MYRFL: variants seen among roughly 807,000 people sequenced by gnomAD.
MYRFL encodes the protein myelin regulatory factor-like protein.
A neutral mutation model predicts 109.4 loss-of-function variants in MYRFL; 88 were observed. The ratio of observed to expected loss-of-function variants is 0.80; its 90% confidence interval spans 0.68 to 0.96. The LOEUF is 0.96. Ranked by LOEUF, MYRFL falls within the 40% of genes least tolerant of loss-of-function variation. The probability of loss-of-function intolerance (pLI) is 0.00; values close to 1 mark genes in which losing one functional copy is unlikely to be tolerated. For missense variants in MYRFL, 957 were observed against 954.9 expected, an observed-to-expected ratio of 1.00 and a Z score of -0.03; for synonymous variants, 324 against 320.9, an observed-to-expected ratio of 1.01 and a Z score of -0.10.
At chr12:69,832,261 T>G (rs1212942429) in intron 1 of MYRFL, among the ~76,000 whole-genome samples, 2 of 152,142 alleles carry the variant, frequency 1.3e-5, no homozygotes, top group African/African-American at 4.8e-5. Flanking sequence ...GACTCTGTTT[T>G]AGTTGGCTAT....
intron 2 of MYRFL, among the ~76,000 whole-genome samples, chr12:69,865,825 T>C (rs1453254468): frequency 6.6e-6 from 1 of 152,146 alleles, no homozygotes; most frequent in Non-Finnish European, 1.5e-5. Flanking sequence ...CTCTCTACCT[T>C]TGAGGTGGGT....
intron 13 of MYRFL, among the ~76,000 whole-genome samples, chr12:69,924,151 T>C (rs1954995964): frequency 7.3e-6 from 1 of 136,816 alleles, no homozygotes; most frequent in East Asian, 2.1e-4. Flanking sequence ...ATCATGCCAC[T>C]GCACTCCAGC....
chr12:69,923,801 A>G (rs915969695), intron 13 of MYRFL, among the ~76,000 whole-genome samples: 2 of 152,004 alleles, frequency 1.3e-5, no homozygotes, highest in African/African-American at 4.8e-5. Context: ...TAAACCAGAA[A>G]CTCAATACCC....
intron 1 of MYRFL, among the ~76,000 whole-genome samples, chr12:69,842,756 C>T (rs1268488879): frequency 6.6e-6 from 1 of 152,148 alleles, no homozygotes; most frequent in Non-Finnish European, 1.5e-5. Context: ...TAGTGAATCC[C>T]TACTTAACCT....
intron 15 of MYRFL, among the ~76,000 whole-genome samples, chr12:69,930,678 G>T (rs974330897): frequency 2.0e-5 from 3 of 151,986 alleles, no homozygotes; most frequent in Non-Finnish European, 4.4e-5. Context: ...AATTAACTGG[G>T]TTTGGTGGCT....
At chr12:69,892,805 A>G (rs552531169) in intron 7 of MYRFL, among the ~76,000 whole-genome samples, 17 of 152,232 alleles carry the variant, frequency 1.1e-4, no homozygotes, top group Non-Finnish European at 2.5e-4. Flanking sequence ...TATGAAAAAG[A>G]GATGAAATTC....
At chr12:69,851,905 A>G (rs1883898640) in intron 1 of MYRFL, among the ~76,000 whole-genome samples, 1 of 152,080 alleles carries the variant, frequency 6.6e-6, no homozygotes, top group South Asian at 2.1e-4. Flanking sequence ...CAAACAATCC[A>G]CCTGCCTTGG....
At chr12:69,849,029 A>G (rs1418529044) in intron 1 of MYRFL, among the ~76,000 whole-genome samples, 2 of 152,058 alleles carry the variant, frequency 1.3e-5, no homozygotes, top group Non-Finnish European at 2.9e-5. Context: ...ATGGCACCAC[A>G]CCCAGCTAAT....
At chr12:69,927,300 G>T (rs1293370353) in intron 14 of MYRFL, among the ~76,000 whole-genome samples, 2 of 152,078 alleles carry the variant, frequency 1.3e-5, no homozygotes, top group Admixed American at 1.3e-4. Flanking sequence ...AGTAGCAGTT[G>T]TTATAGGAAG....
chr12:69,889,325 T>A (rs543186988), intron 6 of MYRFL, among the ~76,000 whole-genome samples: 1 of 152,176 alleles, frequency 6.6e-6, no homozygotes, highest in Non-Finnish European at 1.5e-5. Context: ...TTATGTTCTC[T>A]ATTTGATAAT....
At chr12:69,933,885 T>A (rs789564) in intron 16 of MYRFL, among the ~76,000 whole-genome samples, 39,420 of 152,050 alleles carry the variant, frequency 0.26, 5,428 homozygotes, top group Non-Finnish European at 0.32. Flanking sequence ...TCGTCTTATT[T>A]TTTCCAATAC....
intron 2 of MYRFL, among the ~76,000 whole-genome samples, chr12:69,871,445 G>C (rs1885349737): frequency 6.6e-6 from 1 of 151,962 alleles, no homozygotes; most frequent in Non-Finnish European, 1.5e-5. Flanking sequence ...TGTTAGCCGG[G>C]ATGGTCTTGA....
chr12:69,884,244 G>A (rs973400801), intron 5 of MYRFL, among the ~76,000 whole-genome samples: 1 of 152,244 alleles, frequency 6.6e-6, no homozygotes, highest in Non-Finnish European at 1.5e-5. Flanking sequence ...CTGTGGTGCA[G>A]AAAGCACTCA....
At chr12:69,906,651 A>G in intron 11 of MYRFL, among the ~76,000 whole-genome samples, 1 of 152,228 alleles carries the variant, frequency 6.6e-6, no homozygotes, top group East Asian at 1.9e-4. Context: ...GGAAGACAAA[A>G]GTAGACATGA....
rs538503635 is a variant in MYRFL, at chr12:69,834,277, T to C, written c.46+8714T>C. Among the ~76,000 whole-genome samples the C allele has an allele frequency of 2.5e-3, 379 of 152,276 alleles. 1 individual carries two copies. The highest frequency in any genetic ancestry group is 5.1e-3 in the Non-Finnish European group (347 of 68,014). ...TGTCATATATGGCAATAAGAAGTAATGTGTTCTGAAGAGAGCATCATGTGA... is the reference window on the plus strand; with the variant it reads ...TGTCATATATGGCAATAAGAAGTAACGTGTTCTGAAGAGAGCATCATGTGA... On this transcript the variant is annotated intron_variant, in intron 1 of 24. Coordinates refer to ENST00000552032, the MANE Select transcript of MYRFL (RefSeq NM_182530.3).
At chr12:69,957,421 A>G (rs903624961) in intron 22 of MYRFL, among the ~76,000 whole-genome samples, 1 of 152,230 alleles carries the variant, frequency 6.6e-6, no homozygotes. Flanking sequence ...AACATAAGTC[A>G]TAAGATTAGG....
intron 13 of MYRFL, among the ~76,000 whole-genome samples, chr12:69,925,142 A>C (rs1243904511): frequency 6.6e-6 from 1 of 152,142 alleles, no homozygotes; most frequent in Non-Finnish European, 1.5e-5. Context: ...GTCTCTGGGG[A>C]GATACTGGGT....
At chr12:69,878,178 G>A (rs1216667371) in intron 2 of MYRFL, among the ~76,000 whole-genome samples, 1 of 147,058 alleles carries the variant, frequency 6.8e-6, no homozygotes, top group East Asian at 2.0e-4. Context: ...GGGAGGTGGA[G>A]GTTGCAGTGA....
At chr12:69,910,793 T>C in intron 12 of MYRFL, 28 bp from the exon 13 acceptor site, 2 of 1,452,108 alleles carry the variant, frequency 1.4e-6, no homozygotes, top group Non-Finnish European at 1.9e-6. Flanking sequence ...TCTTTGAAGA[T>C]TAAACCTGTG....
Sources: gnomAD v4.1 joint callset for allele counts (sites outside exome capture counted in the v4.1 genomes callset) on GRCh38, gnomAD v4.1.1 for gene constraint, MANE v1.5 for transcripts, NCBI Gene and HGNC (gene_info 2026-07-23, HGNC 2026-07-21) for gene names.